Variants in CHRNA7 observed in about 807,000 individuals in gnomAD.
CHRNA7 encodes the protein cholinergic receptor nicotinic alpha 7 subunit, also known as neuronal acetylcholine receptor subunit alpha-7.
A neutral mutation model predicts 48.0 loss-of-function variants in CHRNA7; 17 were observed. The observed-to-expected ratio is 0.35, with a 90% CI of 0.24 to 0.53. The LOEUF (loss-of-function observed/expected upper bound fraction) is 0.53, where lower values mean the gene tolerates loss of function less well. Among genes scored for constraint, CHRNA7 ranks in the 20% least tolerant of loss-of-function variants. The pLI is 0.92. For synonymous variants in CHRNA7, 75 were observed against 242.3 expected, an observed-to-expected ratio of 0.31 and a Z score of 6.41; for missense variants, 155 against 577.7, an observed-to-expected ratio of 0.27 and a Z score of 7.50.
chr15:32,064,547 G>C (rs561045935), intron 2 of CHRNA7, among the ~76,000 whole-genome samples: 3 of 151,898 alleles, frequency 2.0e-5, no homozygotes, highest in African/African-American at 7.3e-5. Flanking sequence ...CCATATGTCT[G>C]TATGGTAGTG....
rs372513355 is a variant in CHRNA7 at position 32,105,446 on chromosome 15, A to AAGGAGGAAGAGG, written c.240+4117_240+4128dup. On this transcript the variant is annotated intron_variant, in intron 3 of 9. Coordinates refer to ENST00000306901, the MANE Select transcript of CHRNA7 (RefSeq NM_000746.6). ...AGGAGAAGGAAAAGAGGCGGAGGAG[A>AAGGAGGAAGAGG]AGGAGGAAGAGGAGGAGGAAGAGGA... Among the ~76,000 whole-genome samples, 24 of 149,622 alleles carry AAGGAGGAAGAGG rather than the reference A, an allele frequency of 1.6e-4. No individual in the cohort carries two copies. The South Asian group carries it at 4.5e-3, about 28-fold the overall frequency.
At chr15:32,070,909 G>A (rs2050047536) in intron 2 of CHRNA7, among the ~76,000 whole-genome samples, 1 of 151,772 alleles carries the variant, frequency 6.6e-6, no homozygotes, top group African/African-American at 2.4e-5. Flanking sequence ...GGATGGTCTT[G>A]ATCTCCTGAC....
chr15:32,061,729 A>C (rs1275113166), intron 2 of CHRNA7, among the ~76,000 whole-genome samples: 2 of 152,022 alleles, frequency 1.3e-5, no homozygotes, highest in African/African-American at 4.8e-5. Flanking sequence ...AATTGCTTGA[A>C]CCCGGGAGGC....
intron 4 of CHRNA7, among the ~76,000 whole-genome samples, chr15:32,119,015 A>C (rs2050921584): frequency 6.6e-6 from 1 of 150,966 alleles, no homozygotes; most frequent in African/African-American, 2.4e-5. Flanking sequence ...ATAGTGAGGG[A>C]AGAGAAAAAA....
intron 4 of CHRNA7, among the ~76,000 whole-genome samples, chr15:32,150,655 T>C (rs149823116): frequency 6.6e-6 from 1 of 152,326 alleles, no homozygotes; most frequent in African/African-American, 2.4e-5. Flanking sequence ...TTTGAGTGTG[T>C]GACTTTTATT....
At chr15:32,101,135 GCTTAA>G (rs2050563056) in intron 2 of CHRNA7, 163 bp from the exon 3 acceptor site, 1 of 623,428 alleles carries the variant, frequency 1.6e-6, no homozygotes, top group South Asian at 2.3e-5. Flanking sequence ...AAATAGAAAA[GCTTAA>G]CTCTAGGGAA....
intron 4 of CHRNA7, among the ~76,000 whole-genome samples, chr15:32,114,043 TGTATATATATATATATAC>T (rs1348678715): frequency 1.3e-5 from 1 of 77,734 alleles, no homozygotes; most frequent in African/African-American, 5.3e-5. Context: ...TATATATATA[TGTATATATATATATATAC>T]ATATATATAT....
At chr15:32,142,179 A>T (rs2051393473) in intron 4 of CHRNA7, among the ~76,000 whole-genome samples, 1 of 152,180 alleles carries the variant, frequency 6.6e-6, no homozygotes, top group African/African-American at 2.4e-5. Flanking sequence ...TGAGATAATC[A>T]TGTGGTTTTT....
At position 32,170,786 on chromosome 15, in the gene CHRNA7, G is replaced by GAAGAT. The variant is rs1170241117; in HGVS notation, c.*2333_*2337dup. 3.9e-5 allele frequency: 3 copies of GAAGAT among 76,576 alleles called. No individual in the cohort carries two copies. In the East Asian group the frequency reaches 1.4e-3, roughly 36 times the overall value. 4.7% of individuals were successfully genotyped at this position (76,576 alleles called of 1,614,324 possible). ...AGGGCATTTCTAGAAAGGAAGAAAAGAAGATAAGAGGCCAAAGAAGGAGGG... is the reference window on the plus strand; with the variant it reads ...AGGGCATTTCTAGAAAGGAAGAAAAGAAGATAAGATAAGAGGCCAAAGAAGGAGGG... On this transcript the variant is annotated 3_prime_UTR_variant, in exon 10 of 10. Transcript: ENST00000306901.
chr15:32,035,823 A>G (rs1283421801), intron 2 of CHRNA7, among the ~76,000 whole-genome samples: 2 of 152,212 alleles, frequency 1.3e-5, no homozygotes, highest in African/African-American at 4.8e-5. Context: ...TCACAGCAAA[A>G]TGAAGAAGAA....
intron 2 of CHRNA7, among the ~76,000 whole-genome samples, chr15:32,078,350 C>G (rs187180880): frequency 6.6e-6 from 1 of 152,158 alleles, no homozygotes; most frequent in South Asian, 2.1e-4. Flanking sequence ...TATAGTTTTG[C>G]ATTTTACATT....
At chr15:32,101,853 A>T (rs1234503760) in intron 3 of CHRNA7, 2 of 151,742 alleles carry the variant, frequency 1.3e-5, no homozygotes, top group Non-Finnish European at 2.9e-5. Flanking sequence ...ACTAATCTAA[A>T]TTTGATTAAT....
At chr15:32,122,106 G>A (rs768465118) in intron 4 of CHRNA7, among the ~76,000 whole-genome samples, 3 of 152,192 alleles carry the variant, frequency 2.0e-5, no homozygotes, top group Admixed American at 6.5e-5. Context: ...GAGCAACCAA[G>A]TTCTATTCAC....
In CHRNA7 at chr15:32,169,033, A is replaced by G. The variant is rs1227243993; in HGVS notation, c.*575A>G. On this transcript the variant is annotated 3_prime_UTR_variant, in exon 10 of 10. Coordinates refer to ENST00000306901, the MANE Select transcript of CHRNA7 (RefSeq NM_000746.6). Reference sequence around the variant, plus strand: ...AACAGCTTGATGCTGTTTCTACATTAAAAAAAAAAAAAAAAGACAGACTGT... The same window carrying G: ...AACAGCTTGATGCTGTTTCTACATTGAAAAAAAAAAAAAAAGACAGACTGT... The G allele has an allele frequency of 7.1e-5, 1 of 14,152 alleles. No homozygotes were observed. Among genetic ancestry groups the G allele is most frequent in the South Asian group, 3.7e-3 (1 of 270 alleles). 0.9% of individuals were successfully genotyped at this position (14,152 alleles called of 1,614,324 possible).
At chr15:32,054,619 G>A (rs2049753144) in intron 2 of CHRNA7, among the ~76,000 whole-genome samples, 1 of 152,182 alleles carries the variant, frequency 6.6e-6, no homozygotes, top group South Asian at 2.1e-4. Context: ...CCAAAGTCTA[G>A]TTTTGCCCTT....
rs566222912 is a variant in CHRNA7 at position 32,073,892 on chromosome 15, T to A, written c.196-27411T>A. ...TGCAGAACCAGAAACCAAATAAATC[T>A]CTTTCCTTTATAAATTACCCAGTCT... On this transcript the variant is annotated intron_variant, in intron 2 of 9. Transcript: ENST00000306901. Among the ~76,000 whole-genome samples the A allele has an allele frequency of 3.9e-5, 6 of 152,224 alleles. No individual in the cohort carries two copies. In the East Asian group the frequency reaches 1.2e-3, roughly 30 times the overall value.
Position 32,170,384 on chromosome 15 carries a change from T to G in CHRNA7, c.*1926T>G, listed in dbSNP as rs1276563474. On this transcript the variant is annotated 3_prime_UTR_variant, in exon 10 of 10. Transcript: ENST00000306901. The stretch of plus-strand genomic sequence containing the variant: ...GAGCAGGATCATTCCTCAGCAGGCA[T>G]TCCTTCCACATGCTATGGATGAACC... The G allele has an allele frequency of 3.5e-5, 5 of 144,542 alleles. No homozygotes were observed. The East Asian group carries it at 8.4e-4, about 24-fold the overall frequency. The allele number at this position is 144,542 out of a possible 1,614,324, so 9.0% of individuals were successfully genotyped here.
chr15:32,031,112 G>T, intron 2 of CHRNA7, 75 bp downstream of exon 2: 8 of 1,583,768 alleles, frequency 5.1e-6, no homozygotes, highest in South Asian at 4.6e-5. Context: ...AGCGTCGGGC[G>T]GCCAGGCGGT....
chr15:32,122,922 G>A (rs1426553953), intron 4 of CHRNA7, among the ~76,000 whole-genome samples: 1 of 148,558 alleles, frequency 6.7e-6, no homozygotes, highest in African/African-American at 2.5e-5. Context: ...GCAAGAAACA[G>A]TAGCCTAGTA....
Sources: allele counts gnomAD v4.1 joint callset (sites outside exome capture counted in the v4.1 genomes callset), GRCh38; gene constraint gnomAD v4.1.1; transcripts MANE v1.5; gene names NCBI Gene and HGNC (gene_info 2026-07-23, HGNC 2026-07-21).